Variants in SND1 observed in about 807,000 individuals in gnomAD.
The protein encoded by SND1 is staphylococcal nuclease domain-containing protein 1.
Under a neutral mutation model 121.7 loss-of-function variants are expected in SND1, and 38 were observed. The observed-to-expected ratio is 0.31, with a 90% CI of 0.24 to 0.41. SND1 has a LOEUF of 0.41. Among genes scored for constraint, SND1 ranks in the 10% least tolerant of loss-of-function variants. The probability of loss-of-function intolerance (pLI) is 1.00; values close to 1 mark genes in which losing one functional copy is unlikely to be tolerated. For missense variants in SND1, 868 were observed against 1,184.6 expected (o/e 0.73, Z 3.92); for synonymous variants, 401 against 447.4 (o/e 0.90, Z 1.31).
chr7:128,011,676 C>T (rs1203936825), intron 16 of SND1, among the ~76,000 whole-genome samples: 1 of 152,132 alleles, frequency 6.6e-6, no homozygotes, highest in Non-Finnish European at 1.5e-5. Flanking sequence ...CATCAAGCAC[C>T]AGCTTTTTAA....
chr7:127,991,483 T>C (rs1802523276), intron 16 of SND1, among the ~76,000 whole-genome samples: 1 of 152,256 alleles, frequency 6.6e-6, no homozygotes, highest in African/African-American at 2.4e-5. Context: ...CTTAATTTAA[T>C]TGTATTTCTG....
At chr7:127,707,766 AGT>A (rs35627839) in intron 9 of SND1, 119 bp downstream of exon 9, 86,714 of 405,034 alleles carry the variant, frequency 0.21, 5,358 homozygotes, top group East Asian at 0.36. Flanking sequence ...AGCCAGTAGG[AGT>A]GTGTGTGTGT....
chr7:127,661,523 TA>T (rs1795310428), intron 1 of SND1, among the ~76,000 whole-genome samples: 1 of 152,174 alleles, frequency 6.6e-6, no homozygotes, highest in Non-Finnish European at 1.5e-5. Flanking sequence ...GCCCCATTCT[TA>T]ACAACACTAA....
chr7:127,776,922 G>A (rs1011076635), intron 10 of SND1, among the ~76,000 whole-genome samples: 1 of 152,212 alleles, frequency 6.6e-6, no homozygotes, highest in African/African-American at 2.4e-5. Flanking sequence ...TTTTAAGAAT[G>A]TCATAGCCTT....
chr7:127,754,175 G>T (rs773779281), intron 10 of SND1, among the ~76,000 whole-genome samples: 4 of 152,174 alleles, frequency 2.6e-5, no homozygotes, highest in African/African-American at 9.7e-5. Context: ...TGATTTCTCT[G>T]TTGGAATTGT....
At chr7:127,892,487 T>C (rs1326800739) in intron 13 of SND1, among the ~76,000 whole-genome samples, 1 of 152,108 alleles carries the variant, frequency 6.6e-6, no homozygotes, top group Non-Finnish European at 1.5e-5. Context: ...CCTCTCTGCT[T>C]CTGGGAAACC....
chr7:127,924,054 TAGACCCAGACAGC>T (rs1181242390), intron 14 of SND1, among the ~76,000 whole-genome samples: 1 of 152,062 alleles, frequency 6.6e-6, no homozygotes, highest in Non-Finnish European at 1.5e-5. Flanking sequence ...TAAGATTGGT[TAGACCCAGACAGC>T]ACTGTGCCCT....
At chr7:128,081,286 A>T in intron 17 of SND1, 74 bp from the exon 18 acceptor site, 1 of 1,583,542 alleles carries the variant, frequency 6.3e-7, no homozygotes, top group South Asian at 1.1e-5. Flanking sequence ...ATGAGCCACC[A>T]CGCCTGGCCT....
intron 16 of SND1, chr7:128,028,960 T>C (rs754086011): frequency 2.2e-5 from 36 of 1,608,988 alleles, no homozygotes; most frequent in Non-Finnish European, 3.0e-5. Flanking sequence ...CGGGCGGCTG[T>C]GACTGTACTC....
intron 10 of SND1, among the ~76,000 whole-genome samples, chr7:127,794,814 G>T (rs926324898): frequency 1.3e-5 from 2 of 152,180 alleles, no homozygotes; most frequent in Non-Finnish European, 2.9e-5. Flanking sequence ...TGTGGGAGAA[G>T]ATTTCTCCAT....
chr7:127,904,561 A>G (rs1489118377), intron 13 of SND1, 186 bp from the exon 14 acceptor site: 1 of 448,228 alleles, frequency 2.2e-6, no homozygotes, highest in Non-Finnish European at 4.1e-6. Context: ...AGAGAAGAGC[A>G]GCTTTATAAT....
chr7:127,980,974 A>G (rs1802246061), intron 15 of SND1, among the ~76,000 whole-genome samples: 2 of 152,230 alleles, frequency 1.3e-5, no homozygotes, highest in South Asian at 2.1e-4. Context: ...GGAGGAAAAT[A>G]TGTTTTATTT....
chr7:127,734,202 C>G (rs1230431875), intron 10 of SND1, among the ~76,000 whole-genome samples: 1 of 152,110 alleles, frequency 6.6e-6, no homozygotes, highest in Admixed American at 6.5e-5. Flanking sequence ...GAGCCAGATG[C>G]TAAGCAGACA....
intron 16 of SND1, among the ~76,000 whole-genome samples, chr7:127,996,486 C>T (rs539940588): frequency 9.8e-4 from 149 of 152,256 alleles, no homozygotes; most frequent in African/African-American, 3.4e-3. Context: ...CATCTCTCTG[C>T]GCAGGCTCCT....
At chr7:127,794,729 T>C (rs1797982915) in intron 10 of SND1, among the ~76,000 whole-genome samples, 1 of 152,210 alleles carries the variant, frequency 6.6e-6, no homozygotes, top group Admixed American at 6.5e-5. Flanking sequence ...TTGGTGCCTG[T>C]ACTTTAAGTA....
At chr7:127,997,279 T>TA (rs1296593295) in intron 16 of SND1, among the ~76,000 whole-genome samples, 1 of 152,196 alleles carries the variant, frequency 6.6e-6, no homozygotes, top group Non-Finnish European at 1.5e-5. Context: ...TATTTTACCA[T>TA]TTTTCAACCA....
intron 15 of SND1, among the ~76,000 whole-genome samples, chr7:127,932,696 A>G (rs879625258): frequency 4.7e-4 from 65 of 137,586 alleles, no homozygotes; most frequent in Non-Finnish European, 8.0e-4. Context: ...CACCACCTCC[A>G]TCAGCAACCA....
At chr7:127,768,004 C>T (rs1356590544) in intron 10 of SND1, among the ~76,000 whole-genome samples, 1 of 152,162 alleles carries the variant, frequency 6.6e-6, no homozygotes, top group Non-Finnish European at 1.5e-5. Flanking sequence ...TTAGAACGTT[C>T]ATTCTGTTCA....
At chr7:128,030,841 T>C (rs1008650788) in intron 16 of SND1, 1 of 583,372 alleles carries the variant, frequency 1.7e-6, no homozygotes, top group Non-Finnish European at 2.9e-6. Context: ...CAACCCACCC[T>C]CAAGGCAAGC....
Sources: allele counts gnomAD v4.1 joint callset (sites outside exome capture counted in the v4.1 genomes callset), GRCh38; gene constraint gnomAD v4.1.1; transcripts MANE v1.5; gene names NCBI Gene and HGNC (gene_info 2026-07-23, HGNC 2026-07-21).